DPP6: variants seen among roughly 807,000 people sequenced by gnomAD.
DPP6 encodes A-type potassium channel modulatory protein DPP6.
DPP6 carries 69 observed loss-of-function variants against 122.6 expected under a neutral mutation model. That is an observed-to-expected ratio of 0.56 (90% confidence interval 0.46 to 0.69). The LOEUF (loss-of-function observed/expected upper bound fraction) is 0.69. DPP6 is among the 30% of genes least tolerant of loss of function. The pLI is 0.00. For missense variants in DPP6, 928 were observed against 1,116.9 expected (o/e 0.83, Z 2.41); for synonymous variants, 418 against 433.1 (o/e 0.97, Z 0.43).
At chr7:153,951,751 A>C (rs957021536) in intron 1 of DPP6, among the ~76,000 whole-genome samples, 14 of 152,178 alleles carry the variant, frequency 9.2e-5, no homozygotes, top group African/African-American at 3.4e-4. Flanking sequence ...CATGATAATC[A>C]AGAAAAACTG....
intron 2 of DPP6, among the ~76,000 whole-genome samples, chr7:154,459,805 CAAA>C (rs775605275): frequency 5.4e-3 from 343 of 63,020 alleles, no homozygotes; most frequent in South Asian, 9.5e-3. Flanking sequence ...GATTCCATCT[CAAA>C]AAAAAAAAAA....
intron 1 of DPP6, among the ~76,000 whole-genome samples, chr7:154,360,158 G>A (rs1354333485): frequency 6.6e-6 from 1 of 152,170 alleles, no homozygotes; most frequent in Non-Finnish European, 1.5e-5. Context: ...CCATTTAGAA[G>A]TTGGAATAGT....
intron 1 of DPP6, among the ~76,000 whole-genome samples, chr7:154,071,110 AC>A (rs1416675457): frequency 6.6e-6 from 1 of 152,188 alleles, no homozygotes. Flanking sequence ...AATAGAGCAA[AC>A]AAAACGTCTC....
intron 1 of DPP6, among the ~76,000 whole-genome samples, chr7:154,062,019 G>GCA: frequency 7.6e-6 from 1 of 131,162 alleles, no homozygotes; most frequent in Non-Finnish European, 1.7e-5. Flanking sequence ...ATCGCAGGGG[G>GCA]GGGGAGGCAC....
rs368384043 is a variant in DPP6 at position 154,387,997 on chromosome 7, T to TG, written c.244-58214dup. ...ACCTAGAAGAGTACATGGCATGCAG[T>TG]GGGTGCTCAAAACACAGTGATTGTG... On this transcript the variant is annotated intron_variant, in intron 1 of 25. Coordinates refer to ENST00000377770, the MANE Select transcript of DPP6 (RefSeq NM_130797.4). Among the ~76,000 whole-genome samples, 209 of 152,272 alleles carry TG rather than the reference T, an allele frequency of 1.4e-3. 1 individual carries two copies. The highest frequency in any genetic ancestry group is 4.8e-3 in the African/African-American group (198 of 41,544).
intron 1 of DPP6, among the ~76,000 whole-genome samples, chr7:154,294,476 CA>C (rs1246633061): frequency 2.0e-5 from 3 of 152,046 alleles, no homozygotes; most frequent in Non-Finnish European, 2.9e-5. Flanking sequence ...CAAAGTTGGC[CA>C]ACAGGGATTG....
intron 1 of DPP6, among the ~76,000 whole-genome samples, chr7:153,963,101 C>G (rs370174374): frequency 4.3e-4 from 65 of 152,154 alleles, no homozygotes; most frequent in African/African-American, 1.5e-3. Flanking sequence ...TCCTAAGAAC[C>G]CTCATTGTTT....
At chr7:154,058,702 A>G (rs1261218866) in intron 1 of DPP6, 1 of 147,822 alleles carries the variant, frequency 6.8e-6, no homozygotes, top group Non-Finnish European at 1.5e-5. Context: ...AGAAAGTTCA[A>G]ATCTTCCGAC....
At chr7:154,360,512 T>C (rs1195118611) in intron 1 of DPP6, among the ~76,000 whole-genome samples, 1 of 152,220 alleles carries the variant, frequency 6.6e-6, no homozygotes, top group Non-Finnish European at 1.5e-5. Context: ...TAGAATGTGC[T>C]GAAATAGGGT....
intron 3 of DPP6, among the ~76,000 whole-genome samples, chr7:154,519,294 T>C (rs1376337915): frequency 6.6e-6 from 1 of 152,206 alleles, no homozygotes. Flanking sequence ...AGGCAGTCTG[T>C]CCCTCTGTCC....
intron 1 of DPP6, chr7:154,304,985 G>C (rs997644419): frequency 6.4e-6 from 1 of 155,264 alleles, no homozygotes; most frequent in African/African-American, 2.4e-5. Context: ...CGGGCGCGGC[G>C]TCTCCGCGGC....
chr7:154,595,210 C>CAAG (rs1270167234), intron 5 of DPP6, among the ~76,000 whole-genome samples: 2 of 152,114 alleles, frequency 1.3e-5, no homozygotes, highest in East Asian at 3.9e-4. Flanking sequence ...TTGCCATCTT[C>CAAG]CTGCCCTTGT....
chr7:154,098,762 G>A (rs1805521477), intron 1 of DPP6, among the ~76,000 whole-genome samples: 1 of 151,950 alleles, frequency 6.6e-6, no homozygotes, highest in African/African-American at 2.4e-5. Flanking sequence ...TATTGTGGGA[G>A]CCTCCATGAT....
At position 154,888,066 on chromosome 7, in the gene DPP6, G is replaced by A. The variant is rs543499667; in HGVS notation, c.2304+332G>A. On this transcript the variant is annotated intron_variant, in intron 23 of 25. Transcript: ENST00000377770. Reference sequence around the variant, plus strand: ...CCTGGCTCTCCCTACAGCCAGAGCTGTGCTGCTGGGGGAGAGTGAGCTTTT... The same window carrying A: ...CCTGGCTCTCCCTACAGCCAGAGCTATGCTGCTGGGGGAGAGTGAGCTTTT... 8.3e-4 allele frequency among the ~76,000 whole-genome samples: 126 copies of A among 151,296 alleles called. 1 individual carries two copies. In the East Asian group the frequency reaches 0.011, roughly 13 times the overall value.
At chr7:154,113,190 G>C (rs1235748351) in intron 1 of DPP6, among the ~76,000 whole-genome samples, 2 of 152,202 alleles carry the variant, frequency 1.3e-5, no homozygotes, top group Non-Finnish European at 2.9e-5. Flanking sequence ...ACATGGAAGT[G>C]CAGATAGTTC....
At chr7:154,763,126 G>A (rs1795664921) in intron 8 of DPP6, among the ~76,000 whole-genome samples, 1 of 152,224 alleles carries the variant, frequency 6.6e-6, no homozygotes, top group Admixed American at 6.5e-5. Flanking sequence ...GAGGTCAGGA[G>A]TTTGAGACCA....
chr7:154,852,463 A>AGGCTCTCCT (rs796607133), intron 16 of DPP6, among the ~76,000 whole-genome samples: 1,492 of 71,626 alleles, frequency 0.021, 21 homozygotes, highest in African/African-American at 0.053. Flanking sequence ...CCAAAGGGAC[A>AGGCTCTCCT]GGCTCTCCTG....
chr7:153,905,097 T>A lies in DPP6; in HGVS notation c.51+17363T>A, dbSNP rs139298072. Among the ~76,000 whole-genome samples the A allele has an allele frequency of 5.9e-3, 902 of 152,334 alleles. 14 individuals carry two copies. Among genetic ancestry groups the A allele is most frequent in the African/African-American group, 0.02 (851 of 41,580 alleles). On this transcript the variant is annotated intron_variant, in intron 1 of 25. Transcript: ENST00000404039. ...GCCTCTCTGCAGAATTCCTTCCTTC[T>A]GGGCATGGGGCAGCACCCTCTCTGT... is the stretch of plus-strand genomic sequence containing the variant.
chr7:154,508,883 T>C (rs562305099), intron 3 of DPP6, among the ~76,000 whole-genome samples: 4 of 152,346 alleles, frequency 2.6e-5, no homozygotes, highest in Admixed American at 1.3e-4. Context: ...TAAAAATGAA[T>C]GTTAATATCT....
Sources: allele counts gnomAD v4.1 joint callset (sites outside exome capture counted in the v4.1 genomes callset), GRCh38; gene constraint gnomAD v4.1.1; transcripts MANE v1.5; gene names NCBI Gene and HGNC (gene_info 2026-07-23, HGNC 2026-07-21).